The following TEX11 variants were observed in gnomAD, a reference collection of about 807,000 sequenced individuals.
TEX11 encodes testis-expressed protein 11.
Under a neutral mutation model 84.4 loss-of-function variants are expected in TEX11, and 7 were observed. The ratio of observed to expected loss-of-function variants is 0.08; its 90% CI spans 0.05 to 0.16. The LOEUF is 0.16. Ranked by LOEUF, TEX11 falls within the 10% of genes least tolerant of loss-of-function variation. The pLI, the probability that TEX11 is intolerant of heterozygous loss-of-function variation, is 1.00. For missense variants in TEX11, 551 were observed against 660.5 expected, an observed-to-expected ratio of 0.83 and a Z score of 1.82; for synonymous variants, 264 against 222.8, an observed-to-expected ratio of 1.18 and a Z score of -1.64.
At position 70,815,733 on chromosome X, in the gene TEX11, C is replaced by T. The variant is rs1389618667; in HGVS notation, c.607-8943G>A. 4.5e-5 allele frequency among the ~76,000 whole-genome samples: 5 copies of T among 111,075 alleles called. No homozygotes were observed. The East Asian group carries it at 1.4e-3, about 31-fold the overall frequency. ...CGGATAAGGGGGGACTACTGCATTG[C>T]TATCCATTTCATCGCTTGATTTCAC... On this transcript the variant is annotated intron_variant, in intron 8 of 29. Transcript: ENST00000374333.
chrX:70,891,550 G>A (rs1157896738), intron 2 of TEX11, among the ~76,000 whole-genome samples: 1 of 111,199 alleles, frequency 9.0e-6, no homozygotes, highest in Non-Finnish European at 1.9e-5. Context: ...TGACCTGATG[G>A]AGCTGAAAAC....
At chrX:70,632,850 C>A (rs1029990336) in intron 17 of TEX11, among the ~76,000 whole-genome samples, 1 of 111,518 alleles carries the variant, frequency 9.0e-6, no homozygotes, top group African/African-American at 3.3e-5. Context: ...AAGACACAAA[C>A]CACCAAAGCT....
chrX:70,895,464 T>C (rs1425731395), intron 2 of TEX11, among the ~76,000 whole-genome samples: 2 of 111,941 alleles, frequency 1.8e-5, no homozygotes, highest in Non-Finnish European at 3.8e-5. Context: ...AATTTATAGA[T>C]TCAATGCTAT....
chrX:70,601,484 T>C (rs1245907597), intron 24 of TEX11, among the ~76,000 whole-genome samples: 1 of 95,954 alleles, frequency 1.0e-5, no homozygotes. Context: ...TTCCAATCAA[T>C]AGAAAAAGAG....
At chrX:70,612,905 T>C (rs2089277703) in intron 20 of TEX11, among the ~76,000 whole-genome samples, 1 of 110,769 alleles carries the variant, frequency 9.0e-6, no homozygotes, top group African/African-American at 3.3e-5. Flanking sequence ...AAATAAAATA[T>C]ACAGACAAAA....
chrX:70,899,845 T>TAAAAA (rs746225121), intron 2 of TEX11, among the ~76,000 whole-genome samples: 1 of 30,614 alleles, frequency 3.3e-5, no homozygotes, highest in African/African-American at 1.2e-4. Context: ...GGTCCTGTAT[T>TAAAAA]AAAAAAAAAA....
At chrX:70,589,292 C>A (rs1167700259) in intron 25 of TEX11, among the ~76,000 whole-genome samples, 2 of 97,788 alleles carry the variant, frequency 2.0e-5, no homozygotes, top group African/African-American at 7.4e-5. Flanking sequence ...GTTAAAAAAA[C>A]TCTGAAGATT....
intron 21 of TEX11, among the ~76,000 whole-genome samples, chrX:70,610,046 T>G (rs2089240329): frequency 9.2e-6 from 1 of 108,355 alleles, no homozygotes; most frequent in South Asian, 4.2e-4. Flanking sequence ...GTATTTTTAT[T>G]TGTCTTGATC....
chrX:70,764,984 A>G (rs140726693), intron 9 of TEX11, among the ~76,000 whole-genome samples: 144 of 111,855 alleles, frequency 1.3e-3, no homozygotes, highest in African/African-American at 4.5e-3. Context: ...GGCCAGTATT[A>G]CCCTGATACC....
At chrX:70,879,632 G>C (rs2091672762) in intron 3 of TEX11, among the ~76,000 whole-genome samples, 1 of 111,265 alleles carries the variant, frequency 9.0e-6, no homozygotes, top group African/African-American at 3.3e-5. Flanking sequence ...AAGAGAACTA[G>C]TATGTGCCCA....
intron 26 of TEX11, 67 bp from the exon 27 acceptor site, chrX:70,553,481 C>T (rs2088246679): frequency 1.4e-6 from 1 of 693,049 alleles, no homozygotes; most frequent in Non-Finnish European, 2.1e-6. Flanking sequence ...TCATCCCAGG[C>T]TACCACTTGC....
intron 7 of TEX11, among the ~76,000 whole-genome samples, chrX:70,851,360 C>A (rs1432656812): frequency 9.0e-6 from 1 of 111,701 alleles, no homozygotes; most frequent in Non-Finnish European, 1.9e-5. Flanking sequence ...ATAGTCTTCT[C>A]AACAAATGGT....
chrX:70,713,200 T>A (rs2090457364), intron 13 of TEX11, among the ~76,000 whole-genome samples: 2 of 111,898 alleles, frequency 1.8e-5, no homozygotes, highest in Non-Finnish European at 3.8e-5. Flanking sequence ...TGCCAGTATT[T>A]TATTGAGGAT....
intron 16 of TEX11, among the ~76,000 whole-genome samples, chrX:70,662,150 C>T (rs897993921): frequency 9.0e-6 from 1 of 111,139 alleles, no homozygotes; most frequent in Non-Finnish European, 1.9e-5. Context: ...CTAGAATAAC[C>T]AATGCAGAGA....
At chrX:70,895,388 GA>G (rs1474887904) in intron 2 of TEX11, among the ~76,000 whole-genome samples, 1 of 111,391 alleles carries the variant, frequency 9.0e-6, no homozygotes, top group Non-Finnish European at 1.9e-5. Flanking sequence ...CAAACAAATG[GA>G]AAAAAATTCC....
intron 2 of TEX11, among the ~76,000 whole-genome samples, chrX:70,901,358 G>A (rs1175541974): frequency 3.6e-5 from 4 of 111,641 alleles, no homozygotes; most frequent in Non-Finnish European, 7.5e-5. Flanking sequence ...GATTACAGGC[G>A]TGCATCACTT....
intron 13 of TEX11, among the ~76,000 whole-genome samples, chrX:70,709,582 T>C (rs1273400198): frequency 9.0e-6 from 1 of 111,562 alleles, no homozygotes; most frequent in Non-Finnish European, 1.9e-5. Context: ...AGGTAAATCA[T>C]TTTATTTGTA....
chrX:70,556,168 T>C (rs2088283582), intron 25 of TEX11, among the ~76,000 whole-genome samples: 1 of 111,819 alleles, frequency 8.9e-6, no homozygotes, highest in Admixed American at 9.5e-5. Flanking sequence ...TGATTGGGTT[T>C]AATTTGCTCA....
chrX:70,906,673 G>C (rs1297566375), intron 2 of TEX11, among the ~76,000 whole-genome samples: 1 of 110,869 alleles, frequency 9.0e-6, no homozygotes, highest in Non-Finnish European at 1.9e-5. Context: ...TGTAGTCCCA[G>C]CTACTTGGGA....
Sources: allele counts gnomAD v4.1 joint callset (sites outside exome capture counted in the v4.1 genomes callset), GRCh38; gene constraint gnomAD v4.1.1; transcripts MANE v1.5; gene names NCBI Gene and HGNC (gene_info 2026-07-23, HGNC 2026-07-21).